Variants in NME8 observed in about 807,000 individuals in gnomAD.
NME8 encodes the protein protein NME8.
Under a neutral mutation model 82.3 loss-of-function variants are expected in NME8, and 72 were observed. The ratio of observed to expected loss-of-function variants is 0.87; its 90% confidence interval spans 0.72 to 1.06. NME8 has a LOEUF of 1.06. Ranked by LOEUF, NME8 falls within the 50% of genes least tolerant of loss-of-function variation. The pLI is 0.00. For synonymous variants in NME8, 267 were observed against 228.5 expected (o/e 1.17, Z -1.52); for missense variants, 712 against 685.4 (o/e 1.04, Z -0.43).
At chr7:37,861,082 T>TC (rs1297739403) in intron 6 of NME8, among the ~76,000 whole-genome samples, 4 of 152,036 alleles carry the variant, frequency 2.6e-5, no homozygotes, top group Non-Finnish European at 5.9e-5. Context: ...TTTCTTTTGC[T>TC]CCCCCCAGCA....
intron 16 of NME8, among the ~76,000 whole-genome samples, chr7:37,896,038 T>TGC (rs1329101763): frequency 6.6e-6 from 1 of 152,016 alleles, no homozygotes; most frequent in African/African-American, 2.4e-5. Flanking sequence ...CACACACACA[T>TGC]GCACACACAC....
chr7:37,850,725 A>G lies in NME8; in HGVS notation c.188A>G (p.His63Arg), dbSNP rs200038015. The G allele has an allele frequency of 1.4e-5, 23 of 1,610,314 alleles. No homozygotes were observed. In the East Asian group the frequency reaches 5.1e-4, roughly 36 times the overall value. The change falls in exon 5 of 18, where the codon CAT becomes CGT. Residue 63 changes from histidine to arginine, a missense_variant. Coordinates refer to ENST00000199447, the MANE Select transcript of NME8 (RefSeq NM_016616.5). ...GAACTGAACGAAGACGAAATTCTGC[A>G]TTTTGCTGTCGTAAGAATTTTGTTT... ...KNELNEDEIL[H>R]FAVAEADNIV...
intron 12 of NME8, among the ~76,000 whole-genome samples, chr7:37,882,626 A>AG (rs1784978176): frequency 1.4e-5 from 2 of 143,016 alleles, no homozygotes; most frequent in Non-Finnish European, 3.1e-5. Flanking sequence ...AAAGAAAGAA[A>AG]GAAAGAAAGA....
intron 11 of NME8, among the ~76,000 whole-genome samples, chr7:37,873,754 A>G (rs1171341209): frequency 6.6e-6 from 1 of 152,236 alleles, no homozygotes; most frequent in African/African-American, 2.4e-5. Context: ...TTATGAAAGG[A>G]TAAGTAATGA....
At chr7:37,857,228 G>T in intron 5 of NME8, 46 bp from the exon 6 acceptor site, 2 of 1,395,368 alleles carry the variant, frequency 1.4e-6, no homozygotes, top group South Asian at 1.2e-5. Flanking sequence ...CAAATTACTT[G>T]AATATAGTTT....
chr7:37,888,258 C>G lies in NME8; in HGVS notation c.1248-19C>G, dbSNP rs1434315379. The G allele has an allele frequency of 1.2e-6, 2 of 1,612,582 alleles. No individual in the cohort carries two copies. The highest frequency in any genetic ancestry group is 1.7e-6 in the Non-Finnish European group (2 of 1,178,980). On this transcript the variant is annotated intron_variant, in intron 14 of 17. Coordinates refer to ENST00000199447, the MANE Select transcript of NME8 (RefSeq NM_016616.5). ...CTGTTCTGTTCTAATAGCTTTTAAA[C>G]CTGACTTCTTTTTCAAAGTTTATGT...
chr7:37,868,639 G>C lies in NME8; in HGVS notation c.818+741G>C, dbSNP rs556233665. Among the ~76,000 whole-genome samples the C allele has an allele frequency of 7.9e-5, 12 of 152,066 alleles. No individual in the cohort carries two copies. In the South Asian group the frequency reaches 2.5e-3, roughly 32 times the overall value. On this transcript the variant is annotated intron_variant, in intron 11 of 17. Transcript: ENST00000199447. ...TTCCCTGTTTGTCTTCCTAGAGCTG[G>C]GCATACCAGTCTGGCCACAAGGGCT...
chr7:37,868,015 C>A, intron 11 of NME8, 117 bp downstream of exon 11: 2 of 826,898 alleles, frequency 2.4e-6, no homozygotes, highest in Non-Finnish European at 4.0e-6. Context: ...ATAAGTATTT[C>A]TTCCAGTCAA....
In NME8 at chr7:37,866,079, T is replaced by C. The variant is rs548646956; in HGVS notation, c.621+462T>C. Among the ~76,000 whole-genome samples the C allele has an allele frequency of 5.3e-5, 8 of 151,998 alleles. No individual in the cohort carries two copies. In the South Asian group the frequency reaches 1.7e-3, roughly 32 times the overall value. ...CCTACCCCACCAACTCTTTTTTGTC[T>C]GGGGATATAATATAATAAAGGCAGT... On this transcript the variant is annotated intron_variant, in intron 10 of 17. Coordinates refer to ENST00000199447, the MANE Select transcript of NME8 (RefSeq NM_016616.5).
chr7:37,881,254 A>G lies in NME8; in HGVS notation c.995-3049A>G, dbSNP rs551202048. 5.3e-5 allele frequency among the ~76,000 whole-genome samples: 8 copies of G among 152,294 alleles called. No individual in the cohort carries two copies. In the South Asian group the frequency reaches 1.4e-3, roughly 28 times the overall value. ...TTTTTTCCGATCTTAGAGGCAAAGC[A>G]TCTAGTTTCTTTCCATTAAGGACAG... On this transcript the variant is annotated intron_variant, in intron 12 of 17. Coordinates refer to ENST00000199447, the MANE Select transcript of NME8 (RefSeq NM_016616.5).
chr7:37,882,597 A>AAGAAAGAGAGAGAGAG (rs1554365622), intron 12 of NME8, among the ~76,000 whole-genome samples: 152 of 82,994 alleles, frequency 1.8e-3, no homozygotes, highest in Non-Finnish European at 3.0e-3. Flanking sequence ...GAAAGAAAGA[A>AAGAAAGAGAGAGAGAG]AGAGAGAGAG....
chr7:37,899,230 G>A (rs557073045), intron 17 of NME8, among the ~76,000 whole-genome samples: 25 of 152,086 alleles, frequency 1.6e-4, no homozygotes, highest in Non-Finnish European at 2.6e-4. Context: ...ATACATGCAC[G>A]GATATATTCA....
At chr7:37,858,117 A>G (rs193188466) in intron 6 of NME8, among the ~76,000 whole-genome samples, 1 of 152,218 alleles carries the variant, frequency 6.6e-6, no homozygotes, top group South Asian at 2.1e-4. Context: ...TTCTAAAAGC[A>G]GAGTGTACAG....
intron 13 of NME8, 149 bp downstream of exon 13, chr7:37,884,596 A>G: frequency 1.5e-6 from 1 of 660,354 alleles, no homozygotes; most frequent in Non-Finnish European, 2.6e-6. Context: ...CTCCCATCCC[A>G]ATCCTCTGCT....
intron 7 of NME8, 41 bp downstream of exon 7, chr7:37,862,185 C>T (rs1169894965): frequency 1.5e-6 from 2 of 1,347,814 alleles, no homozygotes; most frequent in Admixed American, 1.7e-5. Context: ...ACAAGCTTAT[C>T]ATTTAGAGTG....
chr7:37,865,403 T>G, intron 9 of NME8, 122 bp from the exon 10 acceptor site: 1 of 707,976 alleles, frequency 1.4e-6, no homozygotes, highest in Non-Finnish European at 2.6e-6. Context: ...CTATAGATTT[T>G]GCTGAGGTTC....
intron 2 of NME8, among the ~76,000 whole-genome samples, chr7:37,849,745 C>T (rs1253422981): frequency 4.0e-5 from 6 of 151,876 alleles, no homozygotes; most frequent in Admixed American, 3.9e-4. Flanking sequence ...GTGGCGGGTG[C>T]CTGTAGTCAC....
chr7:37,897,224 T>C, intron 17 of NME8, 117 bp downstream of exon 17: 2 of 697,736 alleles, frequency 2.9e-6, no homozygotes, highest in South Asian at 1.7e-5. Flanking sequence ...CAAGCTTTAT[T>C]TCCTGTGAGA....
chr7:37,870,189 A>G (rs1784746506), intron 11 of NME8, among the ~76,000 whole-genome samples: 1 of 151,904 alleles, frequency 6.6e-6, no homozygotes, highest in African/African-American at 2.4e-5. Context: ...TGGAAGAAGA[A>G]GAATTGTCTT....
Sources: gnomAD v4.1 joint callset for allele counts (sites outside exome capture counted in the v4.1 genomes callset) on GRCh38, gnomAD v4.1.1 for gene constraint, MANE v1.5 for transcripts, NCBI Gene and HGNC (gene_info 2026-07-23, HGNC 2026-07-21) for gene names.